Variants in AKR1D1 observed in about 807,000 individuals in gnomAD.
The protein encoded by AKR1D1 is aldo-keto reductase family 1 member D1, also known as delta(4)-3-ketosteroid 5-beta-reductase.
A neutral mutation model predicts 42.6 loss-of-function variants in AKR1D1; 32 were observed. The ratio of observed to expected loss-of-function variants is 0.75; its 90% CI spans 0.57 to 1.01. The LOEUF is 1.01. Ranked by LOEUF, AKR1D1 falls within the 50% of genes least tolerant of loss-of-function variation. AKR1D1 has a pLI of 0.00. For missense variants in AKR1D1, 364 were observed against 402.2 expected (o/e 0.91, Z 0.81); for synonymous variants, 123 against 135.5 (o/e 0.91, Z 0.64).
At position 138,088,650 on chromosome 7, in the gene AKR1D1, G is replaced by C. The variant is rs1353319396; in HGVS notation, c.143G>C (p.Gly48Ala). 5.6e-6 allele frequency: 9 copies of C among 1,613,986 alleles called. No individual in the cohort carries two copies. The Admixed American group carries it at 1.5e-4, about 27-fold the overall frequency. ...TCGGTGAAGGTTGCTATTGACACAG[G>C]GTACCGACATATTGATGGGGCCTAC... ...ATSVKVAIDT[G>A]YRHIDGAYIY... The change falls in exon 2 of 9, where the codon GGG becomes GCG. Residue 48 changes from glycine to alanine, a missense_variant. Physicochemically the swap from Gly to Ala is moderately conservative, Grantham distance 60. Transcript: ENST00000242375.
chr7:138,082,119 G>T (rs926528450), intron 1 of AKR1D1, among the ~76,000 whole-genome samples: 3 of 152,182 alleles, frequency 2.0e-5, no homozygotes, highest in African/African-American at 4.8e-5. Flanking sequence ...ACCTGGAGGA[G>T]CAGTGCTGGA....
At chr7:138,103,011 G>C (rs1794347593) in intron 4 of AKR1D1, among the ~76,000 whole-genome samples, 1 of 152,098 alleles carries the variant, frequency 6.6e-6, no homozygotes, top group African/African-American at 2.4e-5. Context: ...TGATTTTACA[G>C]GTGTATGCAC....
intron 1 of AKR1D1, among the ~76,000 whole-genome samples, chr7:138,081,620 C>T (rs1180322465): frequency 3.5e-5 from 5 of 142,790 alleles, no homozygotes; most frequent in Non-Finnish European, 7.5e-5. Context: ...ACCTCCACCT[C>T]CCGGGTTCAC....
intron 6 of AKR1D1, chr7:138,107,196 A>G: frequency 1.4e-6 from 1 of 718,182 alleles, no homozygotes; most frequent in Non-Finnish European, 2.6e-6. Flanking sequence ...TTACCCTCTG[A>G]AGGAGGCAGC....
At chr7:138,105,694 C>G (rs905250350) in intron 5 of AKR1D1, among the ~76,000 whole-genome samples, 3 of 152,140 alleles carry the variant, frequency 2.0e-5, no homozygotes, top group Admixed American at 2.0e-4. Context: ...TGAGACCAGC[C>G]TGACCAACAT....
chr7:138,087,893 C>CTTTTTT (rs757196207), intron 1 of AKR1D1, among the ~76,000 whole-genome samples: 1 of 137,726 alleles, frequency 7.3e-6, no homozygotes, highest in African/African-American at 2.8e-5. Flanking sequence ...CATTTCTTTT[C>CTTTTTT]TTTTTTTTTT....
At chr7:138,107,854 T>G (rs1794464224) in intron 7 of AKR1D1, among the ~76,000 whole-genome samples, 3 of 152,206 alleles carry the variant, frequency 2.0e-5, no homozygotes, top group African/African-American at 7.2e-5. Flanking sequence ...TTAAATTTTT[T>G]TTTTGTTTGT....
chr7:138,088,887 T>TA, intron 2 of AKR1D1, 119 bp downstream of exon 2: 1 of 1,132,592 alleles, frequency 8.8e-7, no homozygotes, highest in South Asian at 1.4e-5. Flanking sequence ...CAGTACTTAA[T>TA]AACAGTTTGG....
intron 4 of AKR1D1, among the ~76,000 whole-genome samples, chr7:138,100,728 G>A (rs1585734034): frequency 2.4e-5 from 3 of 127,586 alleles, no homozygotes; most frequent in South Asian, 2.4e-4. Context: ...TTTTTGAGGC[G>A]GAGTCTCGCT....
chr7:138,108,045 T>C (rs533449726), intron 7 of AKR1D1, among the ~76,000 whole-genome samples: 1 of 152,258 alleles, frequency 6.6e-6, no homozygotes, highest in Admixed American at 6.5e-5. Context: ...ACAACAGAAA[T>C]TGAGTGAATA....
At chr7:138,085,282 C>A (rs1803149089) in intron 1 of AKR1D1, among the ~76,000 whole-genome samples, 1 of 151,950 alleles carries the variant, frequency 6.6e-6, no homozygotes, top group South Asian at 2.1e-4. Context: ...TTAGAAGAGA[C>A]TCCCTGGTGA....
Position 138,076,504 on chromosome 7 carries a change from G to T in AKR1D1, c.-15G>T, listed in dbSNP as rs7780438. On this transcript the variant is annotated 5_prime_UTR_variant, in exon 1 of 9. Transcript: ENST00000242375. ...TGTGGTGTTCAGAATCACTCCTACA[G>T]TCAGGTTCTCCACAATGGATCTCAG... 1 of 1,609,248 alleles carries T rather than the reference G, an allele frequency of 6.2e-7. No homozygotes were observed. Among genetic ancestry groups the T allele is most frequent in the Admixed American group, 1.7e-5 (1 of 59,912 alleles).
chr7:138,115,833 C>T (rs547228340), intron 8 of AKR1D1, among the ~76,000 whole-genome samples: 1 of 152,196 alleles, frequency 6.6e-6, no homozygotes, highest in Non-Finnish European at 1.5e-5. Flanking sequence ...TCACTGCCAT[C>T]ATCATCGTCA....
intron 7 of AKR1D1, among the ~76,000 whole-genome samples, chr7:138,112,900 A>C (rs1183104329): frequency 6.6e-6 from 1 of 152,030 alleles, no homozygotes; most frequent in Non-Finnish European, 1.5e-5. Flanking sequence ...AAATCTAAGA[A>C]AAATAAAACA....
intron 4 of AKR1D1, among the ~76,000 whole-genome samples, chr7:138,100,291 T>C (rs1794271274): frequency 6.6e-6 from 1 of 151,770 alleles, no homozygotes; most frequent in African/African-American, 2.4e-5. Flanking sequence ...TTAAACTCAC[T>C]AATATCAATA....
chr7:138,103,087 A>G (rs993983978), intron 4 of AKR1D1, among the ~76,000 whole-genome samples: 2 of 152,186 alleles, frequency 1.3e-5, no homozygotes, highest in African/African-American at 4.8e-5. Context: ...GTTATAACTC[A>G]CCAAACTAGA....
At chr7:138,100,809 A>C (rs867207423) in intron 4 of AKR1D1, among the ~76,000 whole-genome samples, 178 of 137,436 alleles carry the variant, frequency 1.3e-3, no homozygotes, top group African/African-American at 4.8e-3. Context: ...GGTTCACGCC[A>C]TTCTCTTGCC....
intron 1 of AKR1D1, among the ~76,000 whole-genome samples, chr7:138,082,270 T>C (rs774427784): frequency 1.3e-5 from 2 of 152,242 alleles, no homozygotes; most frequent in Non-Finnish European, 2.9e-5. Flanking sequence ...ATTGCTGTGT[T>C]TGGTTCTTTC....
At chr7:138,083,402 G>T (rs1803099093) in intron 1 of AKR1D1, among the ~76,000 whole-genome samples, 2 of 151,946 alleles carry the variant, frequency 1.3e-5, no homozygotes, top group African/African-American at 4.8e-5. Flanking sequence ...TTTCTTTGGG[G>T]TTTTTTGTTT....
Sources: gnomAD v4.1 joint callset for allele counts (sites outside exome capture counted in the v4.1 genomes callset) on GRCh38, gnomAD v4.1.1 for gene constraint, MANE v1.5 for transcripts, NCBI Gene and HGNC (gene_info 2026-07-23, HGNC 2026-07-21) for gene names.